The following FAM81B variants were observed in gnomAD, a reference collection of about 807,000 sequenced individuals.
FAM81B encodes family with sequence similarity 81 member B.
FAM81B carries 60 observed loss-of-function variants against 58.7 expected under a neutral mutation model. The ratio of observed to expected loss-of-function variants is 1.02; its 90% confidence interval spans 0.83 to 1.27. The LOEUF (loss-of-function observed/expected upper bound fraction) is 1.27. Among genes scored for constraint, FAM81B ranks in the 50% most tolerant of loss-of-function variants. FAM81B has a pLI of 0.00. For synonymous variants in FAM81B, 189 were observed against 179.6 expected (o/e 1.05, Z -0.42); for missense variants, 491 against 522.0 (o/e 0.94, Z 0.58).
chr5:95,408,155 T>C (rs1171989649), intron 3 of FAM81B, among the ~76,000 whole-genome samples: 1 of 151,306 alleles, frequency 6.6e-6, no homozygotes, highest in Non-Finnish European at 1.5e-5. Flanking sequence ...AGAATCTGAT[T>C]ATCATAGGGT....
chr5:95,430,874 C>T (rs1205676380), intron 6 of FAM81B, among the ~76,000 whole-genome samples: 2 of 152,060 alleles, frequency 1.3e-5, no homozygotes, highest in African/African-American at 4.8e-5. Flanking sequence ...TGTTCAACTT[C>T]TGAATTTTGC....
In FAM81B at chr5:95,435,023, G is replaced by T. The variant is rs562559493; in HGVS notation, c.787-1777G>T. The stretch of plus-strand genomic sequence containing the variant: ...GGTTTCTGTGAAAAAGATGGAGAAA[G>T]AAGGCTTTAGGATTGCAGTGCCATT... On this transcript the variant is annotated intron_variant, in intron 6 of 9. Transcript: ENST00000283357. 2.6e-5 allele frequency among the ~76,000 whole-genome samples: 4 copies of T among 152,342 alleles called. No homozygotes were observed. The South Asian group carries it at 8.3e-4, about 32-fold the overall frequency.
intron 7 of FAM81B, among the ~76,000 whole-genome samples, chr5:95,438,558 T>A (rs1052324580): frequency 1.3e-5 from 2 of 152,124 alleles, no homozygotes; most frequent in African/African-American, 4.8e-5. Context: ...GTCATCTGAG[T>A]AGTTAAATCT....
rs757718454 is a variant in FAM81B, at chr5:95,413,982, A to G, written c.329A>G (p.Gln110Arg). 4 of 1,614,018 alleles carry G rather than the reference A, an allele frequency of 2.5e-6. No individual in the cohort carries two copies. Among genetic ancestry groups the G allele is most frequent in the Non-Finnish European group, 3.4e-6 (4 of 1,179,974 alleles). ...TTTCTCCCCATCATTCCAAACACCC[A>G]GAGAGGTCAGCTAGAAGACAGACTG... The part of the protein sequence containing the change: ...HAFLPIIPNT[Q>R]RGQLEDRLNN... The change falls in exon 4 of 10, where the codon CAG (glutamine) becomes CGG (arginine). Residue 110 changes from glutamine to arginine, a missense_variant. By Grantham distance (43) the Gln-to-Arg change is conservative. Coordinates refer to ENST00000283357, the MANE Select transcript of FAM81B (RefSeq NM_152548.3).
intron 3 of FAM81B, among the ~76,000 whole-genome samples, chr5:95,402,781 T>G (rs2152761329): frequency 6.6e-6 from 1 of 152,346 alleles, no homozygotes; most frequent in East Asian, 1.9e-4. Flanking sequence ...CCTGGGACCC[T>G]CTTAACCTCA....
intron 3 of FAM81B, among the ~76,000 whole-genome samples, chr5:95,412,673 G>A (rs1762435733): frequency 6.6e-6 from 1 of 152,178 alleles, no homozygotes; most frequent in African/African-American, 2.4e-5. Context: ...AATCTGTCAT[G>A]GTTTGGGGAT....
chr5:95,393,054 T>C (rs933183017), intron 2 of FAM81B, among the ~76,000 whole-genome samples, 157 bp downstream of exon 2: 1 of 152,192 alleles, frequency 6.6e-6, no homozygotes. Context: ...AAACACAAGC[T>C]GAAAAGAAAA....
intron 5 of FAM81B, among the ~76,000 whole-genome samples, chr5:95,422,890 A>G (rs930604422): frequency 1.3e-5 from 2 of 152,210 alleles, no homozygotes; most frequent in Non-Finnish European, 2.9e-5. Flanking sequence ...CTTCCCCTTC[A>G]ATCAAAAGCA....
At chr5:95,447,377 G>A (rs1236326232) in intron 8 of FAM81B, among the ~76,000 whole-genome samples, 4 of 152,212 alleles carry the variant, frequency 2.6e-5, no homozygotes, top group Non-Finnish European at 4.4e-5. Flanking sequence ...TCCAGCCTGA[G>A]TTTGTAAACA....
Position 95,391,517 on chromosome 5 carries a change from C to T in FAM81B, c.124+4C>T, listed in dbSNP as rs1582772877. On this transcript the variant is annotated splice_donor_region_variant and intron_variant, in intron 1 of 9. Coordinates refer to ENST00000283357, the MANE Select transcript of FAM81B (RefSeq NM_152548.3). ...AAAGCAAGCATCATGAGTTCAGGTACTTATGGACTATTCGAGGTCTCTAAA... is the reference window on the plus strand; with the variant it reads ...AAAGCAAGCATCATGAGTTCAGGTATTTATGGACTATTCGAGGTCTCTAAA... The T allele has an allele frequency of 3.1e-6, 5 of 1,609,476 alleles. No homozygotes were observed. The highest frequency in any genetic ancestry group is 3.4e-6 in the Non-Finnish European group (4 of 1,178,378).
rs76360230 is a variant in FAM81B at position 95,420,368 on chromosome 5, C to A, written c.622C>A (p.Gln208Lys). The A allele has an allele frequency of 6.2e-7, 1 of 1,613,798 alleles. No individual in the cohort carries two copies. The highest frequency in any genetic ancestry group is 8.5e-7 in the Non-Finnish European group (1 of 1,179,758). The stretch of plus-strand genomic sequence containing the variant: ...ACACGAGATAAACATCAAACACCTA[C>A]AAGGAGTTGGAGATCTTCGAGGAAG... ...AVHEINIKHL[Q>K]GVGDLRGRVA... Residue 208 changes from glutamine (Q) to lysine (K), a missense_variant, in exon 5 of 10, where the codon CAA becomes AAA. Coordinates refer to ENST00000283357, the MANE Select transcript of FAM81B (RefSeq NM_152548.3).
intron 6 of FAM81B, among the ~76,000 whole-genome samples, chr5:95,431,276 A>G (rs1454359022): frequency 6.6e-6 from 1 of 152,084 alleles, no homozygotes; most frequent in East Asian, 1.9e-4. Flanking sequence ...ATATCTCTTC[A>G]GGCACTTTCA....
intron 9 of FAM81B, 72 bp from the exon 10 acceptor site, chr5:95,450,077 C>T (rs754687352): frequency 1.7e-5 from 26 of 1,503,842 alleles, no homozygotes; most frequent in East Asian, 1.4e-4. Context: ...GCAGGACTGC[C>T]GATTAGCAAC....
Position 95,450,205 on chromosome 5 carries a change from A to G in FAM81B, c.1282A>G (p.Met428Val). The G allele has an allele frequency of 6.2e-7, 1 of 1,613,324 alleles. No individual in the cohort carries two copies. ...CCTCCAACAAATACAGAAAACAAAG[A>G]TGGATTTAGAGAAATATAAAGTACA... ...SSLQQIQKTK[M>V]DLEKYKVQKD... is the part of the protein sequence containing the mutation. Residue 428 changes from methionine to valine, a missense_variant, in exon 10 of 10, where the codon ATG becomes GTG. Coordinates refer to ENST00000283357, the MANE Select transcript of FAM81B (RefSeq NM_152548.3).
chr5:95,427,941 T>G (rs1268337837), intron 5 of FAM81B, among the ~76,000 whole-genome samples: 1 of 152,202 alleles, frequency 6.6e-6, no homozygotes, highest in African/African-American at 2.4e-5. Flanking sequence ...ACTAGCTCCT[T>G]CTCACCAGAA....
chr5:95,394,403 G>C (rs1363499205), intron 2 of FAM81B, among the ~76,000 whole-genome samples: 1 of 152,106 alleles, frequency 6.6e-6, no homozygotes, highest in Non-Finnish European at 1.5e-5. Flanking sequence ...GGGACCAACC[G>C]GTTGCTGAGG....
chr5:95,428,576 C>T (rs779901715), intron 5 of FAM81B, 27 bp from the exon 6 acceptor site: 2 of 1,612,942 alleles, frequency 1.2e-6, no homozygotes, highest in Middle Eastern at 1.7e-4. Context: ...AGGTATTGAT[C>T]CACACCAATT....
intron 7 of FAM81B, among the ~76,000 whole-genome samples, chr5:95,441,065 T>A (rs1054425758): frequency 1.6e-4 from 24 of 152,102 alleles, no homozygotes; most frequent in South Asian, 4.1e-4. Context: ...ACCACCATCC[T>A]CATTAGTAAA....
intron 6 of FAM81B, among the ~76,000 whole-genome samples, chr5:95,436,230 T>C (rs1745096081): frequency 6.6e-6 from 1 of 152,228 alleles, no homozygotes; most frequent in Non-Finnish European, 1.5e-5. Context: ...GTTTTTTTCC[T>C]ATCCTTAAAT....
Sources: allele counts gnomAD v4.1 joint callset (sites outside exome capture counted in the v4.1 genomes callset), GRCh38; gene constraint gnomAD v4.1.1; transcripts MANE v1.5; gene names NCBI Gene and HGNC (gene_info 2026-07-23, HGNC 2026-07-21).